Variants in NOTCH3 observed in about 807,000 individuals in gnomAD.
NOTCH3 encodes neurogenic locus notch homolog protein 3.
NOTCH3 carries 86 observed loss-of-function variants against 213.3 expected under a neutral mutation model. The observed-to-expected ratio is 0.40, with a 90% CI of 0.34 to 0.48. The LOEUF (loss-of-function observed/expected upper bound fraction) is 0.48. Ranked by LOEUF, NOTCH3 falls within the 20% of genes least tolerant of loss-of-function variation. The pLI is 0.57. For missense variants in NOTCH3, 2,783 were observed against 3,272.6 expected (o/e 0.85, Z 3.65); for synonymous variants, 1,354 against 1,355.9 (o/e 1.00, Z 0.03).
At chr19:15,197,245 A>G (rs773675089) in intron 2 of NOTCH3, among the ~76,000 whole-genome samples, 1 of 152,168 alleles carries the variant, frequency 6.6e-6, no homozygotes, top group Non-Finnish European at 1.5e-5. Flanking sequence ...TTTGCAGACC[A>G]TGACACTGAG....
At position 15,191,102 on chromosome 19, in the gene NOTCH3, T is replaced by C. The variant is rs1486503243; in HGVS notation, c.1036+322A>G. 2.6e-5 allele frequency among the ~76,000 whole-genome samples: 4 copies of C among 151,706 alleles called. No homozygotes were observed. The East Asian group carries it at 7.8e-4, about 29-fold the overall frequency. The stretch of plus-strand genomic sequence containing the variant: ...AGGCTAGAGTGCAGTGGTGCAATCT[T>C]GGCTCACTGCAATCTCCACCTCCTG... On this transcript the variant is annotated intron_variant, in intron 6 of 32. Coordinates refer to ENST00000263388, the MANE Select transcript of NOTCH3 (RefSeq NM_000435.3).
chr19:15,165,492 TG>T lies in NOTCH3; in HGVS notation c.5690del (p.Thr1897LysfsTer14). On this transcript the variant is annotated frameshift_variant, in exon 31 of 33. Transcript: ENST00000263388. LOFTEE classifies it high-confidence loss of function. This position sits in a 1 kb window ranked among gnomAD's most constrained non-coding sequence, Gnocchi z 4.7. Reference protein sequence around the residue: ...VFQILIRNRSTDLDARMADGS... With the variant: ...VFQILIRNRSXDLDARMADGS... ...CATCTGCCATGCGGGCATCCAAGTC[TG>T]TAGAGCGGTTTCGGATGAGAATCTA... The T allele has an allele frequency of 6.2e-7, 1 of 1,612,778 alleles. No individual in the cohort carries two copies. The highest frequency in any genetic ancestry group is 8.5e-7 in the Non-Finnish European group (1 of 1,180,010).
At chr19:15,174,524 T>A (rs1461593987) in intron 24 of NOTCH3, 124 bp from the exon 25 acceptor site, 1 of 680,204 alleles carries the variant, frequency 1.5e-6, no homozygotes, top group African/African-American at 1.9e-5. Context: ...GACTGGAATA[T>A]ACGGACCCAT....
intron 16 of NOTCH3, among the ~76,000 whole-genome samples, chr19:15,183,997 T>C (rs2046860468): frequency 1.5e-5 from 2 of 133,208 alleles, no homozygotes; most frequent in African/African-American, 3.0e-5. Context: ...GAGCGATGAT[T>C]GCAACACTGC....
At chr19:15,198,020 G>T (rs187559985) in intron 1 of NOTCH3, among the ~76,000 whole-genome samples, 2 of 152,296 alleles carry the variant, frequency 1.3e-5, no homozygotes, top group Admixed American at 1.3e-4. Context: ...TCCTTTCCCT[G>T]ATGGGCATCT....
At position 15,186,985 on chromosome 19, in the gene NOTCH3, A is replaced by G. The variant is rs764263853; in HGVS notation, c.1844T>C (p.Val615Ala). 3.2e-5 allele frequency: 52 copies of G among 1,614,020 alleles called. No homozygotes were observed. The highest frequency in any genetic ancestry group is 4.3e-5 in the Non-Finnish European group (51 of 1,179,940). ...LCRCPSGTTG[V>A]NCEVNIDDCA... ...GTCGTCAATGTTCACTTCGCAGTTC[A>G]CACCTAGGGGCCAGGAACATGGCAT... Residue 615 changes from valine (V) to alanine (A), a missense_variant, in exon 12 of 33, where the codon GTG becomes GCG. Around this residue, in one of 6 missense-constraint regions of NOTCH3, gnomAD observed 708 missense variants for 906.6 expected, o/e 0.78. Transcript: ENST00000263388.
At chr19:15,172,258 AT>A (rs1242580577) in intron 25 of NOTCH3, among the ~76,000 whole-genome samples, 1 of 151,966 alleles carries the variant, frequency 6.6e-6, no homozygotes, top group Middle Eastern at 3.2e-3. Context: ...CCCCAGATTA[AT>A]TCTTCTGTTC....
rs537601286 is a variant in NOTCH3, at chr19:15,160,918, C to T, written c.6710G>A (p.Arg2237Gln). ...CAGGTAAGGGTGCTCACTGGGAACC[C>T]GCAGGAAGCGGGCCTTTGGGGGGCT... Reference protein sequence around the residue: ...HSSPPKARFLRVPSEHPYLTP... With the variant: ...HSSPPKARFLQVPSEHPYLTP... Residue 2237 changes from arginine (R) to glutamine (Q), a missense_variant, in exon 33 of 33, where the codon CGG becomes CAG. Physicochemically the swap from Arg to Gln is conservative, Grantham distance 43. Coordinates refer to ENST00000263388, the MANE Select transcript of NOTCH3 (RefSeq NM_000435.3). 25 of 1,606,918 alleles carry T rather than the reference C, an allele frequency of 1.6e-5. No homozygotes were observed. The highest frequency in any genetic ancestry group is 2.2e-5 in the South Asian group (2 of 90,644).
chr19:15,187,078 T>A, intron 11 of NOTCH3, 27 bp downstream of exon 11: 2 of 1,609,262 alleles, frequency 1.2e-6, no homozygotes, highest in Non-Finnish European at 8.5e-7. Flanking sequence ...CCAGGTGTGC[T>A]GTTTCTGCCC....
chr19:15,192,128 C>G lies in NOTCH3; in HGVS notation c.511G>C (p.Gly171Arg), dbSNP rs762729897. ...CCAGGTGTGTTGAGGCAGGTGCCAC[C>G]ATGGCGGCAGGGCTCACCCACCCGG... Reference protein sequence around the residue: ...ECRVGEPCRHGGTCLNTPGSF... With the variant: ...ECRVGEPCRHRGTCLNTPGSF... Residue 171 changes from glycine to arginine, a missense_variant, in exon 4 of 33, where the codon GGT becomes CGT. Physicochemically the swap from Gly to Arg is moderately radical, Grantham distance 125. Around this residue, in one of 6 missense-constraint regions of NOTCH3, gnomAD observed 708 missense variants for 906.6 expected, o/e 0.78. Transcript: ENST00000263388. 1 of 1,613,038 alleles carries G rather than the reference C, an allele frequency of 6.2e-7. No homozygotes were observed. Among genetic ancestry groups the G allele is most frequent in the Non-Finnish European group, 8.5e-7 (1 of 1,180,008 alleles).
In NOTCH3 at chr19:15,161,504, G is replaced by A. The variant is rs2145383106; in HGVS notation, c.6124C>T (p.Leu2042=). ...AGGAAGGCCCCTGGAGGACAGAGCA[G>A]AGGCCCCAGGCCGTGGGGACCGGGG... ...SPPGPHGLGP[L]LCPPGAFLPG... Residue 2042 remains leucine (L), a synonymous_variant, in exon 33 of 33, where the codon CTG becomes TTG. Coordinates refer to ENST00000263388, the MANE Select transcript of NOTCH3 (RefSeq NM_000435.3). 2 of 1,589,614 alleles carry A rather than the reference G, an allele frequency of 1.3e-6. No individual in the cohort carries two copies. Among genetic ancestry groups the A allele is most frequent in the Non-Finnish European group, 1.7e-6 (2 of 1,168,280 alleles).
chr19:15,168,886 A>G (rs2046706901), intron 28 of NOTCH3, among the ~76,000 whole-genome samples: 1 of 152,018 alleles, frequency 6.6e-6, no homozygotes, highest in African/African-American at 2.4e-5. Context: ...CCTAAATAAT[A>G]TATAAAATTT....
chr19:15,169,182 A>ATCTG, intron 28 of NOTCH3, among the ~76,000 whole-genome samples: 1 of 125,422 alleles, frequency 8.0e-6, no homozygotes, highest in African/African-American at 3.1e-5. Context: ...GGGATGTCAA[A>ATCTG]TCTGTCTCTC....
intron 9 of NOTCH3, 43 bp from the exon 10 acceptor site, chr19:15,188,037 G>T: frequency 7.0e-7 from 1 of 1,432,884 alleles, no homozygotes; most frequent in Non-Finnish European, 9.6e-7. Context: ...GAAAGGGTGA[G>T]AGCAGTACAC....
intron 1 of NOTCH3, among the ~76,000 whole-genome samples, chr19:15,199,289 G>A (rs765467737): frequency 3.4e-4 from 52 of 152,190 alleles, no homozygotes; most frequent in Non-Finnish European, 6.3e-4. Flanking sequence ...CACCCATACG[G>A]GAATGCACAG....
rs376728138 is a variant in NOTCH3, at chr19:15,188,261, T to C, written c.1466A>G (p.Asn489Ser). The C allele has an allele frequency of 3.5e-5, 56 of 1,601,382 alleles. No homozygotes were observed. The highest frequency in any genetic ancestry group is 2.9e-4 in the Admixed American group (17 of 58,538). The change falls in exon 9 of 33, where the codon AAT becomes AGT. Residue 489 changes from asparagine (N) to serine (S), a missense_variant. By Grantham distance (46) the Asn-to-Ser change is conservative (BLOSUM62 1). This residue lies in a region of NOTCH3 where 708 missense variants were observed against 906.6 expected (regional missense o/e 0.78). Transcript: ENST00000263388. ...VNGGVCKDRV[N>S]GFSCTCPSGF... Reference sequence around the variant, plus strand: ...CGAGGGGCAGGTGCAGCTGAAGCCATTGACTCGGTCCTTGCAGACCCCACC... The same window carrying C: ...CGAGGGGCAGGTGCAGCTGAAGCCACTGACTCGGTCCTTGCAGACCCCACC...
Position 15,174,296 on chromosome 19 carries a change from T to C in NOTCH3, c.4508A>G (p.Glu1503Gly). 2 of 1,557,438 alleles carry C rather than the reference T, an allele frequency of 1.3e-6. No individual in the cohort carries two copies. Among genetic ancestry groups the C allele is most frequent in the Non-Finnish European group, 1.7e-6 (2 of 1,152,426 alleles). Residue 1503 changes from glutamate to glycine, a missense_variant, in exon 25 of 33, where the codon GAG becomes GGG. Coordinates refer to ENST00000263388, the MANE Select transcript of NOTCH3 (RefSeq NM_000435.3). Reference sequence around the variant, plus strand: ...GCCGCGGGCCAGCAGGGCCGGCACCTCGCTGGCACAATCCAGCCCATCCCA... The same window carrying C: ...GCCGCGGGCCAGCAGGGCCGGCACCCCGCTGGCACAATCCAGCCCATCCCA... ...CGWDGLDCAS[E>G]VPALLARGVL...
chr19:15,180,387 C>G, intron 19 of NOTCH3, 131 bp from the exon 20 acceptor site: 1 of 1,038,222 alleles, frequency 9.6e-7, no homozygotes, highest in Non-Finnish European at 1.4e-6. Context: ...ATCAGGTTGT[C>G]ACACATCCCC....
intron 15 of NOTCH3, 24 bp from the exon 16 acceptor site, chr19:15,184,474 A>G: frequency 1.2e-6 from 2 of 1,612,664 alleles, no homozygotes; most frequent in Non-Finnish European, 1.7e-6. Context: ...GCAAGGTTAC[A>G]CCTAGGGTTA....
Sources: allele counts gnomAD v4.1 joint callset (sites outside exome capture counted in the v4.1 genomes callset), GRCh38; gene constraint gnomAD v4.1.1; regional missense constraint gnomAD v4.1.1; non-coding constraint Gnocchi (gnomAD v3.1); transcripts MANE v1.5; gene names NCBI Gene and HGNC (gene_info 2026-07-23, HGNC 2026-07-21).